The following SULT2B1 variants were observed in gnomAD, a reference collection of about 807,000 sequenced individuals.
SULT2B1 encodes the protein sulfotransferase family 2B member 1.
A neutral mutation model predicts 33.2 loss-of-function variants in SULT2B1; 16 were observed. That is an observed-to-expected ratio of 0.48 (90% CI 0.33 to 0.73). The LOEUF (loss-of-function observed/expected upper bound fraction) is 0.73, where lower values mean the gene tolerates loss of function less well. Ranked by LOEUF, SULT2B1 falls within the 30% of genes least tolerant of loss-of-function variation. SULT2B1 has a pLI of 0.02. For missense variants in SULT2B1, 500 were observed against 506.0 expected, an observed-to-expected ratio of 0.99 and a Z score of 0.11; for synonymous variants, 186 against 200.5, an observed-to-expected ratio of 0.93 and a Z score of 0.61.
intron 1 of SULT2B1, among the ~76,000 whole-genome samples, chr19:48,555,357 G>T (rs113137686): frequency 8.5e-5 from 13 of 152,182 alleles, no homozygotes; most frequent in African/African-American, 1.2e-4. Flanking sequence ...CTCCCAAAGT[G>T]CAGGGCTTAC....
rs571347276 is a variant in SULT2B1, at chr19:48,576,007, C to G, written c.138C>G (p.Leu46=). 1.9e-6 allele frequency: 3 copies of G among 1,613,976 alleles called. No individual in the cohort carries two copies. The highest frequency in any genetic ancestry group is 1.1e-5 in the South Asian group (1 of 91,080). Residue 46 remains leucine (L), a synonymous_variant, in exon 2 of 7, where the codon CTC becomes CTG. Transcript: ENST00000201586. ...CCTTCCCCGTCGGCCTGTACTCGCT[C>G]GAGAGCATCAGCTTGGCGGAGAACA... ...GVPFPVGLYS[L]ESISLAENTQ...
chr19:48,569,210 C>T (rs12608902), intron 1 of SULT2B1, among the ~76,000 whole-genome samples: 61,864 of 150,396 alleles, frequency 0.41, 13,864 homozygotes, highest in South Asian at 0.58. Flanking sequence ...GGCGTGGTGG[C>T]GGGCGCCTGT....
Position 48,599,308 on chromosome 19 carries a change from G to C in SULT2B1, c.1000G>C (p.Glu334Gln). 1 of 1,609,308 alleles carries C rather than the reference G, an allele frequency of 6.2e-7. No individual in the cohort carries two copies. The highest frequency in any genetic ancestry group is 1.3e-5 in the African/African-American group (1 of 74,898). Residue 334 changes from glutamate (E) to glutamine (Q), a missense_variant, in exon 7 of 7, where the codon GAG (glutamate) becomes CAG (glutamine). Coordinates refer to ENST00000201586, the MANE Select transcript of SULT2B1 (RefSeq NM_177973.2). The surrounding 1 kb of genome is among the most constrained non-coding windows in gnomAD (Gnocchi z 4.1). Reference sequence around the variant, plus strand: ...TGAGCCTGAGCCCAAGCCCAGCCTTGAGCCCAACACCAGCCTGGAGCGTGA... The same window carrying C: ...TGAGCCTGAGCCCAAGCCCAGCCTTCAGCCCAACACCAGCCTGGAGCGTGA... ...SPEPEPKPSL[E>Q]PNTSLEREPR...
At chr19:48,578,818 G>A (rs1342818470) in intron 2 of SULT2B1, among the ~76,000 whole-genome samples, 2 of 152,102 alleles carry the variant, frequency 1.3e-5, no homozygotes, top group African/African-American at 4.8e-5. Context: ...AGAGGTTGCA[G>A]TGAGCCAAGA....
intron 2 of SULT2B1, among the ~76,000 whole-genome samples, chr19:48,578,968 A>G (rs1455714019): frequency 2.0e-5 from 3 of 151,828 alleles, no homozygotes; most frequent in Non-Finnish European, 4.4e-5. Flanking sequence ...CCCAATCCTC[A>G]TATCCCCTCC....
At chr19:48,565,260 A>G (rs1973229951) in intron 1 of SULT2B1, among the ~76,000 whole-genome samples, 2 of 152,014 alleles carry the variant, frequency 1.3e-5, no homozygotes, top group Admixed American at 1.3e-4. Flanking sequence ...AAAGTAAGTT[A>G]CAGACATCTG....
At chr19:48,568,651 C>T (rs1025827142) in intron 1 of SULT2B1, among the ~76,000 whole-genome samples, 6 of 152,142 alleles carry the variant, frequency 3.9e-5, no homozygotes, top group Non-Finnish European at 5.9e-5. Context: ...CACTGCTTGG[C>T]GCGTCCTGGG....
intron 2 of SULT2B1, among the ~76,000 whole-genome samples, 164 bp from the exon 3 acceptor site, chr19:48,587,065 T>A (rs1014897681): frequency 6.6e-6 from 1 of 151,832 alleles, no homozygotes; most frequent in African/African-American, 2.4e-5. Context: ...TGAGCCGAGA[T>A]CGCGCCATTG....
chr19:48,554,398 T>A (rs1388018008), intron 1 of SULT2B1, among the ~76,000 whole-genome samples: 1 of 132,248 alleles, frequency 7.6e-6, no homozygotes, highest in Non-Finnish European at 1.6e-5. Context: ...TGGCCCCGAC[T>A]TCCCCCTCTG....
At chr19:48,567,922 C>T (rs1272528868) in intron 1 of SULT2B1, among the ~76,000 whole-genome samples, 2 of 151,788 alleles carry the variant, frequency 1.3e-5, no homozygotes, top group African/African-American at 2.4e-5. Flanking sequence ...CTGCAGTAAG[C>T]TGTGACCGCA....
rs1973304447 is a variant in SULT2B1 at position 48,570,367 on chromosome 19, CG to C, written c.72-5570del. Among the ~76,000 whole-genome samples the C allele has an allele frequency of 2.0e-5, 3 of 151,130 alleles. No homozygotes were observed. The South Asian group carries it at 6.3e-4, about 32-fold the overall frequency. On this transcript the variant is annotated intron_variant, in intron 1 of 6. Transcript: ENST00000201586. ...GCTAATTTTTGTATTTTATTAGAGA[CG>C]GGGTTTCGCCATGTTGGCCAGGCTG...
At chr19:48,589,718 T>C (rs1973618160) in intron 3 of SULT2B1, among the ~76,000 whole-genome samples, 2 of 152,150 alleles carry the variant, frequency 1.3e-5, no homozygotes, top group Non-Finnish European at 2.9e-5. Flanking sequence ...TCCCAGCACT[T>C]TCAGAGGCCA....
At chr19:48,575,537 G>A in intron 1 of SULT2B1, 1 of 153,214 alleles carries the variant, frequency 6.5e-6, no homozygotes, top group Admixed American at 6.5e-5. Context: ...GAGTGCAATG[G>A]TGCCGTGATC....
intron 1 of SULT2B1, among the ~76,000 whole-genome samples, chr19:48,555,549 CCTCTCTCTCTCTCTCTCTCT>C (rs142655043): frequency 2.4e-5 from 3 of 124,114 alleles, no homozygotes; most frequent in East Asian, 2.3e-4. Context: ...CCAGAGACAT[CCTCTCTCTCTCTCTCTCTCT>C]CTCTCTCTCT....
intron 1 of SULT2B1, 159 bp from the exon 2 acceptor site, chr19:48,575,782 G>A (rs1029149821): frequency 7.4e-7 from 1 of 1,347,678 alleles, no homozygotes. Flanking sequence ...CGCCTGACCA[G>A]CTTTATAAAG....
intron 1 of SULT2B1, among the ~76,000 whole-genome samples, chr19:48,559,067 G>A (rs1248112812): frequency 1.3e-5 from 2 of 152,102 alleles, no homozygotes; most frequent in Non-Finnish European, 2.9e-5. Flanking sequence ...CCCGCTGGGT[G>A]AGATTTGGGC....
At chr19:48,567,459 G>C (rs1244813503) in intron 1 of SULT2B1, among the ~76,000 whole-genome samples, 1 of 152,124 alleles carries the variant, frequency 6.6e-6, no homozygotes, top group Non-Finnish European at 1.5e-5. Context: ...CTACTCAGGA[G>C]TCTGAGGCAG....
intron 1 of SULT2B1, among the ~76,000 whole-genome samples, chr19:48,555,982 T>C (rs1973095194): frequency 6.6e-6 from 1 of 151,994 alleles, no homozygotes; most frequent in Non-Finnish European, 1.5e-5. Flanking sequence ...TCAGGTGATG[T>C]GCCCACCTCG....
chr19:48,563,970 A>C (rs1568403851), intron 1 of SULT2B1, among the ~76,000 whole-genome samples: 1 of 151,570 alleles, frequency 6.6e-6, no homozygotes, highest in Non-Finnish European at 1.5e-5. Flanking sequence ...AAAAAAAAAA[A>C]AAAACAAAAG....
Sources: gnomAD v4.1 joint callset for allele counts (sites outside exome capture counted in the v4.1 genomes callset) on GRCh38, gnomAD v4.1.1 for gene constraint, Gnocchi (gnomAD v3.1) non-coding constraint, MANE v1.5 for transcripts, NCBI Gene and HGNC (gene_info 2026-07-23, HGNC 2026-07-21) for gene names.